METTL25: variants seen among roughly 807,000 people sequenced by gnomAD.
METTL25 encodes probable methyltransferase-like protein 25.
Under a neutral mutation model 71.6 loss-of-function variants are expected in METTL25, and 64 were observed. The observed-to-expected ratio is 0.89, with a 90% CI of 0.73 to 1.10. The LOEUF is 1.10. Ranked by LOEUF, METTL25 falls within the 50% of genes least tolerant of loss-of-function variation. The pLI, the probability that METTL25 is intolerant of heterozygous loss-of-function variation, is 0.00. For missense variants in METTL25, 807 were observed against 707.0 expected, an observed-to-expected ratio of 1.14 and a Z score of -1.60; for synonymous variants, 287 against 250.3, an observed-to-expected ratio of 1.15 and a Z score of -1.38.
intron 8 of METTL25, among the ~76,000 whole-genome samples, chr12:82,441,290 T>C (rs1890305872): frequency 3.3e-5 from 1 of 30,222 alleles, no homozygotes; most frequent in Non-Finnish European, 1.0e-4. Context: ...ATCACTAACA[T>C]CTTATATATA....
intron 1 of METTL25, among the ~76,000 whole-genome samples, chr12:82,374,963 G>T (rs934114537): frequency 6.6e-6 from 1 of 152,296 alleles, no homozygotes; most frequent in East Asian, 1.9e-4. Context: ...TTTGAAAGAT[G>T]CTGTACAGAG....
intron 1 of METTL25, chr12:82,374,419 G>A (rs1471082431): frequency 1.3e-5 from 2 of 152,224 alleles, no homozygotes; most frequent in African/African-American, 4.8e-5. Flanking sequence ...GCTGATTGGT[G>A]CGTTTACAAT....
intron 8 of METTL25, among the ~76,000 whole-genome samples, chr12:82,453,838 A>T (rs1891307387): frequency 6.6e-6 from 1 of 152,028 alleles, no homozygotes; most frequent in Non-Finnish European, 1.5e-5. Flanking sequence ...TAATTCATTT[A>T]TGGAGTTCCT....
intron 3 of METTL25, among the ~76,000 whole-genome samples, chr12:82,396,090 G>A (rs1195550285): frequency 6.6e-6 from 1 of 151,924 alleles, no homozygotes; most frequent in Non-Finnish European, 1.5e-5. Flanking sequence ...TGCTTATTTT[G>A]TTATGTATTC....
intron 5 of METTL25, among the ~76,000 whole-genome samples, chr12:82,406,869 A>G (rs1033974320): frequency 6.6e-6 from 1 of 152,154 alleles, no homozygotes; most frequent in Non-Finnish European, 1.5e-5. Flanking sequence ...CAGACAAGGA[A>G]GTAAGAAGTG....
intron 3 of METTL25, among the ~76,000 whole-genome samples, chr12:82,392,109 TTTATTA>T (rs978466479): frequency 6.6e-6 from 1 of 150,452 alleles, no homozygotes; most frequent in Admixed American, 6.6e-5. Context: ...ATTTATTTTA[TTTATTA>T]TTATTATACT....
intron 1 of METTL25, among the ~76,000 whole-genome samples, chr12:82,369,150 ATCT>A (rs1170239041): frequency 1.3e-5 from 2 of 152,180 alleles, no homozygotes; most frequent in East Asian, 3.8e-4. Flanking sequence ...CTCATATTGC[ATCT>A]TCTTTCAAAG....
At chr12:82,389,684 G>T in intron 2 of METTL25, 132 bp from the exon 3 acceptor site, 1 of 543,524 alleles carries the variant, frequency 1.8e-6, no homozygotes. Flanking sequence ...AGCTAGTAGA[G>T]ATCTATCCAG....
chr12:82,394,684 A>C (rs1592643137), intron 3 of METTL25, among the ~76,000 whole-genome samples: 1 of 152,024 alleles, frequency 6.6e-6, no homozygotes, highest in African/African-American at 2.4e-5. Flanking sequence ...ATTGACAATA[A>C]AAAGGTTATG....
intron 5 of METTL25, among the ~76,000 whole-genome samples, chr12:82,423,060 C>A (rs1888667669): frequency 1.3e-5 from 2 of 151,990 alleles, no homozygotes; most frequent in South Asian, 4.2e-4. Flanking sequence ...TCATATGGAA[C>A]CAAAAAAAAG....
chr12:82,422,349 C>T (rs539597427), intron 5 of METTL25, among the ~76,000 whole-genome samples: 3 of 152,064 alleles, frequency 2.0e-5, no homozygotes, highest in Admixed American at 1.3e-4. Context: ...ATTCAACAGC[C>T]CTTCATGCTA....
intron 1 of METTL25, 93 bp downstream of exon 1, chr12:82,358,917 G>A: frequency 6.8e-7 from 1 of 1,480,222 alleles, no homozygotes; most frequent in African/African-American, 1.4e-5. Context: ...GCAGAACCAG[G>A]TGCGTGGCGG....
At chr12:82,408,747 C>G (rs1887311705) in intron 5 of METTL25, among the ~76,000 whole-genome samples, 1 of 151,994 alleles carries the variant, frequency 6.6e-6, no homozygotes, top group African/African-American at 2.4e-5. Flanking sequence ...GCCTAGTATT[C>G]CATACTAAAA....
At chr12:82,388,036 C>T (rs1172696538) in intron 2 of METTL25, among the ~76,000 whole-genome samples, 1 of 151,922 alleles carries the variant, frequency 6.6e-6, no homozygotes, top group East Asian at 1.9e-4. Context: ...TAAATCGTTT[C>T]TTACCCTTGC....
chr12:82,457,589 T>A (rs1370523766), intron 9 of METTL25, among the ~76,000 whole-genome samples: 1 of 152,022 alleles, frequency 6.6e-6, no homozygotes, highest in East Asian at 1.9e-4. Context: ...GAACTGGGAC[T>A]AGTCAGTTTC....
At chr12:82,434,801 T>A in intron 7 of METTL25, 77 bp downstream of exon 7, 1 of 1,133,424 alleles carries the variant, frequency 8.8e-7, no homozygotes, top group Non-Finnish European at 1.3e-6. Flanking sequence ...CTGATGAACT[T>A]AAAACCTAAT....
intron 1 of METTL25, among the ~76,000 whole-genome samples, chr12:82,371,093 G>A (rs186295807): frequency 2.7e-4 from 41 of 152,336 alleles, no homozygotes; most frequent in Admixed American, 2.4e-3. Context: ...TGAGGAGGTG[G>A]GAGAAATACC....
chr12:82,476,419 G>A (rs7311246), intron 9 of METTL25: 54,102 of 424,714 alleles, frequency 0.13, 4,233 homozygotes, highest in African/African-American at 0.25. Flanking sequence ...ATGGGATGTT[G>A]CTGGTGGTTT....
rs372819880 is a variant in METTL25, at chr12:82,460,971, A to G, written c.1572+4151A>G. ...ATCCTGGCTAACACAGTGAAACCCC[A>G]TCTCTACTAAAACTACAAAAAATTA... On this transcript the variant is annotated intron_variant, in intron 9 of 11. Transcript: ENST00000248306. 7.6e-4 allele frequency among the ~76,000 whole-genome samples: 115 copies of G among 152,226 alleles called. 1 individual carries two copies. The highest frequency in any genetic ancestry group is 3.4e-3 in the Middle Eastern group (1 of 294).
Sources: gnomAD v4.1 joint callset for allele counts (sites outside exome capture counted in the v4.1 genomes callset) on GRCh38, gnomAD v4.1.1 for gene constraint, MANE v1.5 for transcripts, NCBI Gene and HGNC (gene_info 2026-07-23, HGNC 2026-07-21) for gene names.